The following PUM2 variants were observed in gnomAD, a reference collection of about 807,000 sequenced individuals.
The protein encoded by PUM2 is pumilio homolog 2.
In PUM2, 57 loss-of-function variants were observed where a neutral mutation model predicts 124.5. The observed-to-expected ratio is 0.46, with a 90% CI of 0.37 to 0.57. PUM2 has a LOEUF of 0.57. Ranked by LOEUF, PUM2 falls within the 20% of genes least tolerant of loss-of-function variation. The probability of loss-of-function intolerance (pLI) is 0.00; values close to 1 mark genes in which losing one functional copy is unlikely to be tolerated. For missense variants in PUM2, 1,065 were observed against 1,290.6 expected (o/e 0.83, Z 2.68); for synonymous variants, 460 against 446.1 (o/e 1.03, Z -0.39).
At chr2:20,287,250 C>A (rs1672962021) in intron 10 of PUM2, among the ~76,000 whole-genome samples, 1 of 151,934 alleles carries the variant, frequency 6.6e-6, no homozygotes, top group Non-Finnish European at 1.5e-5. Context: ...GAAAATAAAC[C>A]ACAAATAGCT....
chr2:20,260,870 C>T (rs1666031135), intron 14 of PUM2, among the ~76,000 whole-genome samples: 1 of 152,028 alleles, frequency 6.6e-6, no homozygotes. Context: ...GCAAGAAAGC[C>T]ATTCTGGGTG....
At chr2:20,285,438 C>G (rs1039225981) in intron 10 of PUM2, among the ~76,000 whole-genome samples, 3 of 152,182 alleles carry the variant, frequency 2.0e-5, no homozygotes, top group African/African-American at 7.2e-5. Context: ...ACAACATGAT[C>G]TGGTTGGTTC....
chr2:20,305,462 C>CGA (rs1553387203), intron 7 of PUM2, among the ~76,000 whole-genome samples: 2 of 25,666 alleles, frequency 7.8e-5, no homozygotes, highest in East Asian at 1.3e-3. Context: ...ACCCTGTCTT[C>CGA]GAAAAAAAAA....
intron 10 of PUM2, among the ~76,000 whole-genome samples, chr2:20,289,118 C>T (rs924912179): frequency 2.6e-5 from 4 of 151,646 alleles, no homozygotes; most frequent in African/African-American, 7.3e-5. Flanking sequence ...GGTGAAGCCC[C>T]GTCTCTACTA....
chr2:20,309,011 C>G (rs937829603), intron 5 of PUM2, among the ~76,000 whole-genome samples: 2 of 151,980 alleles, frequency 1.3e-5, no homozygotes, highest in African/African-American at 2.4e-5. Context: ...CCTGCCCTGC[C>G]AACACATAAT....
At chr2:20,296,772 TA>T (rs1424428628) in intron 8 of PUM2, among the ~76,000 whole-genome samples, 2 of 152,216 alleles carry the variant, frequency 1.3e-5, no homozygotes, top group Non-Finnish European at 2.9e-5. Context: ...CACCTCAACC[TA>T]AAACAAACTC....
chr2:20,349,521 T>TG (rs1305831548), intron 1 of PUM2, among the ~76,000 whole-genome samples: 3 of 151,820 alleles, frequency 2.0e-5, no homozygotes, highest in Admixed American at 2.0e-4. Flanking sequence ...CATTTTTGTT[T>TG]TTTTTTTTTT....
intron 1 of PUM2, among the ~76,000 whole-genome samples, chr2:20,337,371 G>T (rs1686347743): frequency 6.6e-6 from 1 of 151,972 alleles, no homozygotes; most frequent in Admixed American, 6.6e-5. Context: ...ATATTGTTTG[G>T]GATTTACTTT....
intron 17 of PUM2, among the ~76,000 whole-genome samples, chr2:20,255,718 G>A (rs1420053758): frequency 6.6e-6 from 1 of 152,140 alleles, no homozygotes; most frequent in Non-Finnish European, 1.5e-5. Context: ...ACAGTCTTAT[G>A]TCTTTCTCCA....
rs1662685663 is a variant in PUM2 at position 20,249,172 on chromosome 2, A to C, written c.*2413T>G. ...GTATTCTCTACTTGTCATTTTCTAA[A>C]ATTGCAGAGATAATGCCTGTGCCAA... On this transcript the variant is annotated 3_prime_UTR_variant, in exon 21 of 21. Transcript: ENST00000361078. 2 of 152,210 alleles carry C rather than the reference A, an allele frequency of 1.3e-5. No individual in the cohort carries two copies. Among genetic ancestry groups the C allele is most frequent in the African/African-American group, 4.8e-5 (2 of 41,446 alleles). 9.4% of individuals were successfully genotyped at this position (152,210 alleles called of 1,614,324 possible).
intron 5 of PUM2, among the ~76,000 whole-genome samples, chr2:20,308,786 A>C (rs1345231113): frequency 6.6e-6 from 1 of 152,154 alleles, no homozygotes; most frequent in Non-Finnish European, 1.5e-5. Context: ...GGATTTTAAA[A>C]ATATTATTAA....
At chr2:20,335,626 T>TACCTC (rs542097386) in intron 1 of PUM2, among the ~76,000 whole-genome samples, 69 of 152,334 alleles carry the variant, frequency 4.5e-4, no homozygotes, top group African/African-American at 1.6e-3. Flanking sequence ...ATGGGGGAGT[T>TACCTC]ACCTCTGCTG....
chr2:20,333,562 A>AT (rs1685363355), intron 1 of PUM2, among the ~76,000 whole-genome samples: 2 of 152,134 alleles, frequency 1.3e-5, no homozygotes, highest in Admixed American at 1.3e-4. Flanking sequence ...AAATTGACAA[A>AT]TATCTTGTGT....
chr2:20,329,559 A>G (rs980434436), intron 1 of PUM2, among the ~76,000 whole-genome samples: 1 of 152,202 alleles, frequency 6.6e-6, no homozygotes, highest in African/African-American at 2.4e-5. Flanking sequence ...GGAAGTTATT[A>G]GAGAAACGTT....
At position 20,307,925 on chromosome 2, in the gene PUM2, T is replaced by C. The variant is rs1678719642; in HGVS notation, c.883+53A>G. On this transcript the variant is annotated intron_variant, in intron 7 of 20. Coordinates refer to ENST00000361078, the MANE Select transcript of PUM2 (RefSeq NM_015317.5). ...CAATCAGTAAACGAAAAGTGAAACA[T>C]CCTAGACATTTTAACAAGACTTTGG... The C allele has an allele frequency of 1.9e-6, 3 of 1,583,676 alleles. No individual in the cohort carries two copies. The Admixed American group carries it at 5.2e-5, about 27-fold the overall frequency.
chr2:20,342,369 C>A (rs1431675206), intron 1 of PUM2, among the ~76,000 whole-genome samples: 1 of 152,212 alleles, frequency 6.6e-6, no homozygotes, highest in Admixed American at 6.5e-5. Context: ...GTAGCACCCA[C>A]TTGCTCCTTT....
At chr2:20,275,123 G>C (rs961562840) in intron 13 of PUM2, among the ~76,000 whole-genome samples, 2 of 151,572 alleles carry the variant, frequency 1.3e-5, no homozygotes, top group African/African-American at 4.8e-5. Flanking sequence ...TGCATTTCAG[G>C]GTATAAACTA....
intron 8 of PUM2, 68 bp from the exon 9 acceptor site, chr2:20,294,586 T>C: frequency 6.9e-7 from 1 of 1,457,530 alleles, no homozygotes; most frequent in Non-Finnish European, 9.2e-7. Context: ...GTTAGCTACC[T>C]ATCATCAGAT....
intron 6 of PUM2, 104 bp downstream of exon 6, chr2:20,308,210 T>C (rs1678792098): frequency 6.8e-7 from 1 of 1,479,654 alleles, no homozygotes; most frequent in African/African-American, 1.4e-5. Context: ...ATAAAACATT[T>C]AGTACTCAAA....
Sources: gnomAD v4.1 joint callset for allele counts (sites outside exome capture counted in the v4.1 genomes callset) on GRCh38, gnomAD v4.1.1 for gene constraint, MANE v1.5 for transcripts, NCBI Gene and HGNC (gene_info 2026-07-23, HGNC 2026-07-21) for gene names.